The following MOGAT1 variants were observed in gnomAD, a reference collection of about 807,000 sequenced individuals.
MOGAT1 encodes 2-acylglycerol O-acyltransferase 1.
In MOGAT1, 32 loss-of-function variants were observed where a neutral mutation model predicts 31.4. The ratio of observed to expected loss-of-function variants is 1.02; its 90% CI spans 0.77 to 1.37. MOGAT1 has a LOEUF of 1.37. Among genes scored for constraint, MOGAT1 ranks in the 40% most tolerant of loss-of-function variants. The probability of loss-of-function intolerance (pLI) is 0.00; values close to 1 mark genes in which losing one functional copy is unlikely to be tolerated. For missense variants in MOGAT1, 426 were observed against 402.0 expected (o/e 1.06, Z -0.51); for synonymous variants, 145 against 144.5 (o/e 1.00, Z -0.03).
intron 4 of MOGAT1, among the ~76,000 whole-genome samples, 190 bp from the exon 5 acceptor site, chr2:222,694,899 G>A (rs1574975023): frequency 6.6e-6 from 1 of 152,164 alleles, no homozygotes; most frequent in Non-Finnish European, 1.5e-5. Context: ...TCAATGGCTA[G>A]CCTGCTGAAA....
intron 5 of MOGAT1, among the ~76,000 whole-genome samples, chr2:222,702,918 CTT>C (rs934516875): frequency 6.6e-6 from 1 of 151,376 alleles, no homozygotes; most frequent in Non-Finnish European, 1.5e-5. Flanking sequence ...GAAAGGGAAA[CTT>C]AATTTTTCAT....
chr2:222,689,634 T>C (rs1231722044), intron 3 of MOGAT1, among the ~76,000 whole-genome samples, 165 bp downstream of exon 3: 2 of 152,244 alleles, frequency 1.3e-5, no homozygotes, highest in Non-Finnish European at 2.9e-5. Flanking sequence ...CCTCCCCCAC[T>C]GGACTGTAAG....
intron 5 of MOGAT1, among the ~76,000 whole-genome samples, chr2:222,700,462 A>G (rs144459515): frequency 1.3e-5 from 2 of 152,338 alleles, no homozygotes; most frequent in East Asian, 1.9e-4. Context: ...CCCTCCCTCT[A>G]CTTACCCTGC....
intron 5 of MOGAT1, among the ~76,000 whole-genome samples, chr2:222,708,078 GTTGT>G (rs771540286): frequency 5.1e-4 from 78 of 151,872 alleles, no homozygotes; most frequent in Non-Finnish European, 8.1e-4. Context: ...TTTTTTTGTT[GTTGT>G]TTGTTTGCTT....
chr2:222,674,128 A>G (rs1692463209), intron 1 of MOGAT1, among the ~76,000 whole-genome samples: 1 of 152,210 alleles, frequency 6.6e-6, no homozygotes, highest in African/African-American at 2.4e-5. Context: ...GTCGAGACAC[A>G]TGTGACCGCA....
At chr2:222,697,878 C>CT (rs370628735) in intron 5 of MOGAT1, among the ~76,000 whole-genome samples, 33 of 147,178 alleles carry the variant, frequency 2.2e-4, no homozygotes, top group African/African-American at 2.2e-4. Flanking sequence ...TGTACAGAAT[C>CT]TTTTTTTTTT....
chr2:222,694,018 GAAC>G (rs1400483568), intron 3 of MOGAT1, among the ~76,000 whole-genome samples: 10 of 152,164 alleles, frequency 6.6e-5, no homozygotes, highest in African/African-American at 2.4e-4. Context: ...GTTGTGCACT[GAAC>G]AACTCCAGGG....
At chr2:222,702,072 T>C (rs1478798663) in intron 5 of MOGAT1, among the ~76,000 whole-genome samples, 1 of 152,242 alleles carries the variant, frequency 6.6e-6, no homozygotes, top group African/African-American at 2.4e-5. Context: ...TTGAGAGCTT[T>C]CAAATGTGTT....
intron 1 of MOGAT1, among the ~76,000 whole-genome samples, chr2:222,679,694 A>T (rs1188707967): frequency 6.6e-6 from 1 of 152,232 alleles, no homozygotes; most frequent in Non-Finnish European, 1.5e-5. Context: ...TAGTTGTGTT[A>T]AACAGAAATT....
At chr2:222,708,753 T>C (rs948468191) in intron 5 of MOGAT1, among the ~76,000 whole-genome samples, 4 of 152,202 alleles carry the variant, frequency 2.6e-5, no homozygotes, top group Non-Finnish European at 5.9e-5. Context: ...CAAAAATGGA[T>C]CATACTGTAT....
At chr2:222,701,487 A>T (rs13002678) in intron 5 of MOGAT1, among the ~76,000 whole-genome samples, 2 of 144,774 alleles carry the variant, frequency 1.4e-5, no homozygotes, top group African/African-American at 2.6e-5. Flanking sequence ...AAAGAAAGAA[A>T]GAGAGAGTGG....
At chr2:222,701,655 AAGAG>A (rs991204401) in intron 5 of MOGAT1, among the ~76,000 whole-genome samples, 5 of 143,412 alleles carry the variant, frequency 3.5e-5, no homozygotes, top group Admixed American at 1.4e-4. Flanking sequence ...AGAAAGAAGA[AAGAG>A]AGAGAGATAA....
At chr2:222,686,586 C>T (rs1692672563) in intron 1 of MOGAT1, among the ~76,000 whole-genome samples, 1 of 152,128 alleles carries the variant, frequency 6.6e-6, no homozygotes, top group Non-Finnish European at 1.5e-5. Context: ...TGGAATGATC[C>T]TGGTAGGAAT....
At chr2:222,698,400 T>C (rs540013114) in intron 5 of MOGAT1, among the ~76,000 whole-genome samples, 74 of 152,346 alleles carry the variant, frequency 4.9e-4, no homozygotes, top group African/African-American at 1.6e-3. Flanking sequence ...TTTCTGAGGC[T>C]GGTTGGTGGC....
intron 5 of MOGAT1, among the ~76,000 whole-genome samples, chr2:222,707,778 G>T (rs1693028586): frequency 6.6e-6 from 1 of 152,226 alleles, no homozygotes; most frequent in Admixed American, 6.5e-5. Flanking sequence ...GTTGCAGTAA[G>T]GATGTGTGTA....
chr2:222,685,126 A>C (rs1172007850), intron 1 of MOGAT1, among the ~76,000 whole-genome samples: 4 of 152,242 alleles, frequency 2.6e-5, no homozygotes, highest in Non-Finnish European at 5.9e-5. Context: ...TATTAAAGAA[A>C]CATAACCTGT....
At chr2:222,680,079 TAA>T (rs1323722167) in intron 1 of MOGAT1, among the ~76,000 whole-genome samples, 5 of 152,272 alleles carry the variant, frequency 3.3e-5, no homozygotes, top group Non-Finnish European at 5.9e-5. Flanking sequence ...GAATAGTGAA[TAA>T]AAGTCAATTA....
intron 1 of MOGAT1, among the ~76,000 whole-genome samples, chr2:222,675,622 G>A (rs1217288128): frequency 1.3e-5 from 2 of 151,902 alleles, no homozygotes; most frequent in South Asian, 2.1e-4. Flanking sequence ...TGGGACTACA[G>A]GCGCCCACCA....
intron 1 of MOGAT1, among the ~76,000 whole-genome samples, chr2:222,685,869 G>A (rs1334788350): frequency 2.6e-5 from 4 of 151,188 alleles, no homozygotes; most frequent in African/African-American, 4.9e-5. Context: ...CAAAGTGCTG[G>A]GATTACAGTC....
Sources: gnomAD v4.1 joint callset for allele counts (sites outside exome capture counted in the v4.1 genomes callset) on GRCh38, gnomAD v4.1.1 for gene constraint, MANE v1.5 for transcripts, NCBI Gene and HGNC (gene_info 2026-07-23, HGNC 2026-07-21) for gene names.